CEP128: variants seen among roughly 807,000 people sequenced by gnomAD.
CEP128 encodes the protein centrosomal protein 128.
Under a neutral mutation model 156.7 loss-of-function variants are expected in CEP128, and 132 were observed. The ratio of observed to expected loss-of-function variants is 0.84; its 90% confidence interval spans 0.73 to 0.97. The LOEUF (loss-of-function observed/expected upper bound fraction) is 0.97. Ranked by LOEUF, CEP128 falls within the 50% of genes least tolerant of loss-of-function variation. The pLI, the probability that CEP128 is intolerant of heterozygous loss-of-function variation, is 0.00. For synonymous variants in CEP128, 469 were observed against 448.9 expected (o/e 1.04, Z -0.57); for missense variants, 1,252 against 1,281.9 (o/e 0.98, Z 0.36).
intron 19 of CEP128, among the ~76,000 whole-genome samples, chr14:80,659,381 A>G (rs1250668564): frequency 1.3e-5 from 2 of 152,162 alleles, no homozygotes; most frequent in Non-Finnish European, 2.9e-5. Flanking sequence ...TGGGTTTCCA[A>G]TTGAAGTGTA....
intron 14 of CEP128, among the ~76,000 whole-genome samples, chr14:80,480,780 C>T: frequency 6.6e-6 from 1 of 152,164 alleles, no homozygotes; most frequent in East Asian, 1.9e-4. Context: ...CCTAAATCAT[C>T]CTTCTCAAGT....
intron 2 of CEP128, among the ~76,000 whole-genome samples, chr14:80,930,479 G>A (rs1885398028): frequency 6.6e-6 from 1 of 152,138 alleles, no homozygotes; most frequent in South Asian, 2.1e-4. Flanking sequence ...TCTTTGAAAA[G>A]GGGGAAAGAT....
rs754260887 is a variant in CEP128 at position 80,785,534 on chromosome 14, T to C, written c.1572A>G (p.Glu524=). The C allele has an allele frequency of 6.2e-7, 1 of 1,603,332 alleles. No individual in the cohort carries two copies. Among genetic ancestry groups the C allele is most frequent in the South Asian group, 1.1e-5 (1 of 89,018 alleles). Residue 524 remains glutamate (E), a synonymous_variant, in exon 15 of 25, where the codon GAA becomes GAG. Transcript: ENST00000555265. ...LTGKNNQILK[E]KDELKTQLYA... ...ACAGCTGGGTTTTCAATTCATCCTT[T>C]TCTTTTAAAATCTATCAGGTTAAGA...
intron 19 of CEP128, among the ~76,000 whole-genome samples, chr14:80,591,961 G>C (rs941752934): frequency 7.9e-5 from 12 of 152,142 alleles, no homozygotes; most frequent in Non-Finnish European, 1.5e-5. Context: ...AAACCAATGA[G>C]AACAAAGACA....
At chr14:80,588,063 G>A (rs1263352274) in intron 19 of CEP128, among the ~76,000 whole-genome samples, 2 of 152,070 alleles carry the variant, frequency 1.3e-5, no homozygotes, top group Non-Finnish European at 2.9e-5. Flanking sequence ...GTTTGTGCTG[G>A]TTTCTTGAGG....
At chr14:80,582,696 CAG>C (rs1389427147) in intron 19 of CEP128, among the ~76,000 whole-genome samples, 2 of 151,988 alleles carry the variant, frequency 1.3e-5, no homozygotes, top group African/African-American at 4.8e-5. Context: ...GGATGGACAT[CAG>C]ACAGGCCAAA....
At position 80,819,239 on chromosome 14, in the gene CEP128, C is replaced by T. The variant is rs1206410207; in HGVS notation, c.1209+11904G>A. Among the ~76,000 whole-genome samples the T allele has an allele frequency of 3.0e-3, 245 of 82,790 alleles. 1 individual carries two copies. Among genetic ancestry groups the T allele is most frequent in the Non-Finnish European group, 3.8e-3 (182 of 47,658 alleles). 54.3% of individuals were successfully genotyped at this position (82,790 alleles called of 152,430 possible). A position where few individuals can be genotyped will look rare whatever the true frequency, so the allele number is the denominator to read the frequency against. On this transcript the variant is annotated intron_variant, in intron 13 of 24. Transcript: ENST00000555265. ...AGCAAGCCAGCTCTCTGGCATCTTC[C>T]TTTTTTTTTTTTTTTTTTTTTTTTT...
chr14:80,561,270 T>C (rs1706315073), intron 20 of CEP128, among the ~76,000 whole-genome samples: 1 of 152,238 alleles, frequency 6.6e-6, no homozygotes, highest in Non-Finnish European at 1.5e-5. Context: ...TTGCATTTTG[T>C]TGGCATAGTT....
At chr14:80,810,255 G>A (rs1162971585) in intron 13 of CEP128, among the ~76,000 whole-genome samples, 12 of 142,278 alleles carry the variant, frequency 8.4e-5, no homozygotes, top group South Asian at 6.6e-4. Context: ...CCTGGGAGGC[G>A]GAGCTTGCAG....
intron 13 of CEP128, among the ~76,000 whole-genome samples, chr14:80,800,729 A>G (rs1883792602): frequency 6.6e-6 from 1 of 151,538 alleles, no homozygotes; most frequent in Non-Finnish European, 1.5e-5. Flanking sequence ...TAAACCAGGC[A>G]TCGACTAGTT....
intron 13 of CEP128, among the ~76,000 whole-genome samples, chr14:80,794,765 G>T (rs183019700): frequency 2.4e-4 from 37 of 152,042 alleles, no homozygotes; most frequent in African/African-American, 8.9e-4. Flanking sequence ...AATTATACTA[G>T]ATAGTCCTAG....
rs138363542 is a variant in CEP128, at chr14:80,529,048, G to C, written c.2958+1761C>G. Among the ~76,000 whole-genome samples, 64 of 152,286 alleles carry C rather than the reference G, an allele frequency of 4.2e-4. No homozygotes were observed. In the East Asian group the frequency reaches 0.012, roughly 29 times the overall value. Reference sequence around the variant, plus strand: ...CTAAAAGCAGCAGGGCGAAGCAGATGGGCTCTGCTGTTTTACACAGAATTA... The same window carrying C: ...CTAAAAGCAGCAGGGCGAAGCAGATCGGCTCTGCTGTTTTACACAGAATTA... On this transcript the variant is annotated intron_variant, in intron 22 of 24. Coordinates refer to ENST00000555265, the MANE Select transcript of CEP128 (RefSeq NM_152446.5).
chr14:80,724,789 T>A (rs922651389), intron 19 of CEP128, among the ~76,000 whole-genome samples: 5 of 151,902 alleles, frequency 3.3e-5, no homozygotes, highest in Admixed American at 1.3e-4. Flanking sequence ...GTTACAAAAA[T>A]ATATCAGAGG....
At chr14:80,745,355 T>C (rs1463684575) in intron 18 of CEP128, among the ~76,000 whole-genome samples, 1 of 152,190 alleles carries the variant, frequency 6.6e-6, no homozygotes, top group African/African-American at 2.4e-5. Context: ...CTTTTCTTTA[T>C]AAATTACCCA....
At chr14:80,777,334 G>A (rs1900849407) in intron 16 of CEP128, among the ~76,000 whole-genome samples, 1 of 152,158 alleles carries the variant, frequency 6.6e-6, no homozygotes, top group Admixed American at 6.5e-5. Context: ...CTTCTGTTAT[G>A]TGAAGACACA....
intron 16 of CEP128, among the ~76,000 whole-genome samples, chr14:80,769,293 T>C (rs1900395134): frequency 6.6e-6 from 1 of 152,024 alleles, no homozygotes; most frequent in Non-Finnish European, 1.5e-5. Context: ...TTTTTTTTAA[T>C]TATACTTTAA....
At chr14:80,959,054 C>T (rs940576548) in intron 1 of CEP128, among the ~76,000 whole-genome samples, 5 of 152,188 alleles carry the variant, frequency 3.3e-5, no homozygotes, top group African/African-American at 1.2e-4. Flanking sequence ...GTAAACAGCT[C>T]TCTTGCCCTA....
chr14:80,866,316 C>T (rs1305530240), intron 8 of CEP128, among the ~76,000 whole-genome samples: 1 of 152,188 alleles, frequency 6.6e-6, no homozygotes, highest in Admixed American at 6.5e-5. Context: ...AGAACCCAGG[C>T]ACTAGGGACA....
intron 23 of CEP128, among the ~76,000 whole-genome samples, chr14:80,511,003 T>C (rs980891767): frequency 2.6e-5 from 4 of 151,814 alleles, no homozygotes; most frequent in African/African-American, 9.7e-5. Flanking sequence ...TTGCTGGTAT[T>C]TTGTTGAAGA....
Sources: allele counts gnomAD v4.1 joint callset (sites outside exome capture counted in the v4.1 genomes callset), GRCh38; gene constraint gnomAD v4.1.1; transcripts MANE v1.5; gene names NCBI Gene and HGNC (gene_info 2026-07-23, HGNC 2026-07-21).